RAP1B: variants seen among roughly 807,000 people sequenced by gnomAD.
RAP1B encodes the protein RAP1B, member of RAS oncogene family.
A neutral mutation model predicts 27.5 loss-of-function variants in RAP1B; 1 was observed. The observed-to-expected ratio is 0.04, with a 90% CI of 0.01 to 0.17. The LOEUF (loss-of-function observed/expected upper bound fraction) is 0.17. Among genes scored for constraint, RAP1B ranks in the 10% least tolerant of loss-of-function variants. The pLI, the probability that RAP1B is intolerant of heterozygous loss-of-function variation, is 1.00. For synonymous variants in RAP1B, 75 were observed against 73.1 expected, an observed-to-expected ratio of 1.03 and a Z score of -0.13; for missense variants, 84 against 214.8, an observed-to-expected ratio of 0.39 and a Z score of 3.81.
At position 68,666,257 on chromosome 12, in the gene RAP1B, A is replaced by G. The variant is rs1483087736; in HGVS notation, c.*7008A>G. The G allele has an allele frequency of 6.6e-6, 1 of 152,234 alleles. No homozygotes were observed. The highest frequency in any genetic ancestry group is 2.4e-5 in the African/African-American group (1 of 41,462). The allele number at this position is 152,234 out of a possible 1,614,324, so 9.4% of individuals were successfully genotyped here. ...AGTGGTATTTTGGTGCTTTACCCAA[A>G]ATATTAGGGAGAAAATTCTTCTTTT... On this transcript the variant is annotated 3_prime_UTR_variant, in exon 8 of 8. Coordinates refer to ENST00000250559, the MANE Select transcript of RAP1B (RefSeq NM_001010942.3).
intron 1 of RAP1B, chr12:68,624,445 C>T (rs189668791): frequency 3.3e-5 from 5 of 151,920 alleles, no homozygotes; most frequent in Non-Finnish European, 7.4e-5. Flanking sequence ...TGTAAGAATA[C>T]AATAGATTAG....
chr12:68,645,830 G>T (rs548932580), intron 1 of RAP1B, among the ~76,000 whole-genome samples: 5 of 152,118 alleles, frequency 3.3e-5, no homozygotes, highest in South Asian at 2.1e-4. Flanking sequence ...GTACTGTTGG[G>T]TTTTTTTTGT....
rs1565670496 is a variant in RAP1B, at chr12:68,647,382, T to TC, written c.-26-1313dup. 6.7e-3 allele frequency among the ~76,000 whole-genome samples: 13 copies of TC among 1,932 alleles called. 1 individual carries two copies. The highest frequency in any genetic ancestry group is 9.9e-3 in the African/African-American group (5 of 506). 1.3% of individuals were successfully genotyped at this position (1,932 alleles called of 152,430 possible). On this transcript the variant is annotated intron_variant, in intron 1 of 7. Transcript: ENST00000250559. ...GCCCTGTCCCTGCCCCCCACTCCAC[T>TC]CCCCGCCCCCCCCCCCCCCCCCAAA...
At chr12:68,621,663 A>T (rs1871394160) in intron 1 of RAP1B, among the ~76,000 whole-genome samples, 1 of 152,232 alleles carries the variant, frequency 6.6e-6, no homozygotes, top group East Asian at 1.9e-4. Context: ...GTGCAGGACT[A>T]CTGTTAAAAG....
intron 1 of RAP1B, among the ~76,000 whole-genome samples, chr12:68,620,639 C>T (rs1471595975): frequency 4.1e-5 from 6 of 147,340 alleles, no homozygotes; most frequent in Non-Finnish European, 1.5e-5. Context: ...GTCTCACTGT[C>T]ATCTAGGCTT....
intron 1 of RAP1B, among the ~76,000 whole-genome samples, chr12:68,646,815 C>G (rs548599831): frequency 4.6e-5 from 7 of 152,304 alleles, no homozygotes; most frequent in African/African-American, 1.7e-4. Context: ...GTAGCCTCAT[C>G]TGTGGGCTTG....
At position 68,663,930 on chromosome 12, in the gene RAP1B, A is replaced by T. The variant is rs537523372; in HGVS notation, c.*4681A>T. On this transcript the variant is annotated 3_prime_UTR_variant, in exon 8 of 8. Transcript: ENST00000250559. ...TCCAACTTTCTAAGAGAAAATTGTA[A>T]TGATTTTAGAAAAGTGAGCTGTCAT... 6.6e-6 allele frequency: 1 copy of T among 152,304 alleles called. No homozygotes were observed. The highest frequency in any genetic ancestry group is 2.4e-5 in the African/African-American group (1 of 41,574). The allele number at this position is 152,304 out of a possible 1,614,324, so 9.4% of individuals were successfully genotyped here. A position where few individuals can be genotyped will look rare whatever the true frequency, so the allele number is the denominator to read the frequency against.
rs1049977871 is a variant in RAP1B at position 68,671,311 on chromosome 12, T to G, written c.*12062T>G. 2.6e-5 allele frequency: 4 copies of G among 152,104 alleles called. No individual in the cohort carries two copies. The highest frequency in any genetic ancestry group is 5.9e-5 in the Non-Finnish European group (4 of 68,016). The allele number at this position is 152,104 out of a possible 1,614,324, so 9.4% of individuals were successfully genotyped here. A position where few individuals can be genotyped will look rare whatever the true frequency, so the allele number is the denominator to read the frequency against. On this transcript the variant is annotated 3_prime_UTR_variant, in exon 8 of 8. Coordinates refer to ENST00000250559, the MANE Select transcript of RAP1B (RefSeq NM_001010942.3). The stretch of plus-strand genomic sequence containing the variant: ...AGCTGATATCTGTTCAAATTAAATA[T>G]GCATATTTGACCTCAATTCTACTAC...
chr12:68,611,050 AGAGT>A lies in RAP1B; in HGVS notation c.-27+13_-27+16del, dbSNP rs1870527672. ...CCCGGTGACAGCGTGAGAGGTTCGC[AGAGT>A]GAGTGCGTGGCCGCTGAGGGAAGCC... On this transcript the variant is annotated splice_region_variant and intron_variant, in intron 1 of 7. Transcript: ENST00000250559. 1 of 287,010 alleles carries A rather than the reference AGAGT, an allele frequency of 3.5e-6. No individual in the cohort carries two copies. The highest frequency in any genetic ancestry group is 6.5e-6 in the Non-Finnish European group (1 of 154,256). 17.8% of individuals were successfully genotyped at this position (287,010 alleles called of 1,614,324 possible).
At chr12:68,625,716 C>T (rs1046552684) in intron 1 of RAP1B, among the ~76,000 whole-genome samples, 9 of 152,008 alleles carry the variant, frequency 5.9e-5, no homozygotes, top group Admixed American at 1.3e-4. Context: ...GTCGAGAGAT[C>T]GATACCATCC....
chr12:68,671,872 TTAA>T lies in RAP1B; in HGVS notation c.*12627_*12629del, dbSNP rs2135985409. The stretch of plus-strand genomic sequence containing the variant: ...AAAATACATGGGAGGATAATATGCA[TTAA>T]TAAAAATTATGGTGCTGGCAACAGT... On this transcript the variant is annotated 3_prime_UTR_variant, in exon 8 of 8. Transcript: ENST00000250559. The T allele has an allele frequency of 6.6e-6, 1 of 152,328 alleles. No homozygotes were observed. Among genetic ancestry groups the T allele is most frequent in the Non-Finnish European group, 1.5e-5 (1 of 68,038 alleles). The allele number at this position is 152,328 out of a possible 1,614,324, so 9.4% of individuals were successfully genotyped here.
intron 1 of RAP1B, among the ~76,000 whole-genome samples, chr12:68,619,684 G>A (rs1454509996): frequency 6.6e-6 from 1 of 152,130 alleles, no homozygotes; most frequent in African/African-American, 2.4e-5. Context: ...TGCTCTCAGT[G>A]TTTAATGTCT....
intron 1 of RAP1B, among the ~76,000 whole-genome samples, chr12:68,625,430 A>C (rs981349683): frequency 2.6e-5 from 4 of 152,252 alleles, no homozygotes; most frequent in Admixed American, 2.6e-4. Flanking sequence ...TAAAATTATT[A>C]TTAGAGAAAA....
intron 1 of RAP1B, among the ~76,000 whole-genome samples, chr12:68,638,057 G>T (rs2920020): frequency 0.025 from 3,876 of 152,114 alleles, 143 homozygotes; most frequent in African/African-American, 0.084. Flanking sequence ...GTTCAACTGT[G>T]TTTTATCCTG....
chr12:68,631,217 A>T (rs1872213758), intron 1 of RAP1B, among the ~76,000 whole-genome samples: 1 of 152,190 alleles, frequency 6.6e-6, no homozygotes, highest in African/African-American at 2.4e-5. Context: ...ATATCCATAT[A>T]ATATTGAATA....
chr12:68,633,734 G>A (rs1314892786), intron 1 of RAP1B, among the ~76,000 whole-genome samples: 1 of 152,158 alleles, frequency 6.6e-6, no homozygotes, highest in Non-Finnish European at 1.5e-5. Context: ...GCCAGGCATG[G>A]TGGCGTGTGC....
chr12:68,656,292 A>T lies in RAP1B; in HGVS notation c.325-14A>T. ...TTTACTTATTTATTTTTACTCTCAC[A>T]AATGTATTTTTAGGTTCCAATGATT... is the stretch of plus-strand genomic sequence containing the variant. On this transcript the variant is annotated splice_polypyrimidine_tract_variant and intron_variant, in intron 5 of 7. Transcript: ENST00000250559. 6.3e-7 allele frequency: 1 copy of T among 1,588,330 alleles called. No individual in the cohort carries two copies. The highest frequency in any genetic ancestry group is 8.6e-7 in the Non-Finnish European group (1 of 1,157,792).
chr12:68,622,834 T>C (rs1037665920), intron 1 of RAP1B, among the ~76,000 whole-genome samples: 1 of 152,214 alleles, frequency 6.6e-6, no homozygotes, highest in Non-Finnish European at 1.5e-5. Flanking sequence ...TCCATATCAA[T>C]TCCCATAATA....
intron 7 of RAP1B, chr12:68,657,490 C>T (rs778918227): frequency 9.5e-5 from 19 of 199,018 alleles, no homozygotes; most frequent in African/African-American, 1.6e-4. Flanking sequence ...CTGCAACCTC[C>T]GCCTCCCAGG....
Sources: allele counts gnomAD v4.1 joint callset (sites outside exome capture counted in the v4.1 genomes callset), GRCh38; gene constraint gnomAD v4.1.1; transcripts MANE v1.5; gene names NCBI Gene and HGNC (gene_info 2026-07-23, HGNC 2026-07-21).